Variants in STARD9 observed in about 807,000 individuals in gnomAD.
STARD9 encodes StAR related lipid transfer domain containing 9, also known as stAR-related lipid transfer protein 9.
Under a neutral mutation model 399.8 loss-of-function variants are expected in STARD9, and 346 were observed. The observed-to-expected ratio is 0.87, with a 90% CI of 0.79 to 0.95. The LOEUF (loss-of-function observed/expected upper bound fraction) is 0.95, where lower values mean the gene tolerates loss of function less well. STARD9 is among the 40% of genes least tolerant of loss of function. The pLI is 0.00. For synonymous variants in STARD9, 2,203 were observed against 2,143.5 expected, an observed-to-expected ratio of 1.03 and a Z score of -0.77; for missense variants, 5,832 against 5,667.5, an observed-to-expected ratio of 1.03 and a Z score of -0.93.
rs1440187440 is a variant in STARD9, at chr15:42,663,850, A to G, written c.1109A>G (p.Glu370Gly). ...TVSPAHTSYSETMSTLRYASS... is the reference protein window; with the variant it reads ...TVSPAHTSYSGTMSTLRYASS... ...TCTCCTGCACACACTAGCTACAGTG[A>G]GACCATGAGCACACTGAGATATGCA... is the stretch of plus-strand genomic sequence containing the variant. The change falls in exon 13 of 33, where the codon GAG (glutamate) becomes GGG (glycine). Residue 370 changes from glutamate to glycine, a missense_variant. Physicochemically the swap from Glu to Gly is moderately conservative, Grantham distance 98 (BLOSUM62 -2). Around this residue, in one of 2 missense-constraint regions of STARD9, gnomAD observed 5,828 missense variants for 5,651.1 expected, o/e 1.03. Coordinates refer to ENST00000290607, the MANE Select transcript of STARD9 (RefSeq NM_020759.3). 1.3e-6 allele frequency: 2 copies of G among 1,537,044 alleles called. No homozygotes were observed. Among genetic ancestry groups the G allele is most frequent in the Middle Eastern group, 3.3e-4 (2 of 5,990 alleles).
chr15:42,695,674 G>C (rs948847350), intron 25 of STARD9, 69 bp from the exon 26 acceptor site: 2 of 1,489,340 alleles, frequency 1.3e-6, no homozygotes, highest in Non-Finnish European at 1.8e-6. Context: ...GCTTTGGGTA[G>C]GAAAAGGCGT....
In STARD9 at chr15:42,704,544, T is replaced by C. The variant is rs1212755914; in HGVS notation, c.13284+8664T>C. Among the ~76,000 whole-genome samples, 7 of 152,300 alleles carry C rather than the reference T, an allele frequency of 4.6e-5. No individual in the cohort carries two copies. In the South Asian group the frequency reaches 1.2e-3, roughly 27 times the overall value. On this transcript the variant is annotated intron_variant, in intron 26 of 32. Coordinates refer to ENST00000290607, the MANE Select transcript of STARD9 (RefSeq NM_020759.3). ...AATTCAAAGGAGCCTGACTGTTGAGTTCCCTAAGCCTGTGGTCACTGTAGC... is the reference window on the plus strand; with the variant it reads ...AATTCAAAGGAGCCTGACTGTTGAGCTCCCTAAGCCTGTGGTCACTGTAGC...
At position 42,718,054 on chromosome 15, in the gene STARD9, G is replaced by T. The variant is rs1246304324; in HGVS notation, c.13637G>T (p.Gly4546Val). 1 of 1,537,086 alleles carries T rather than the reference G, an allele frequency of 6.5e-7. No homozygotes were observed. The highest frequency in any genetic ancestry group is 8.7e-7 in the Non-Finnish European group (1 of 1,146,908). ...SPTRHGFLGA[G>V]VVSQPLSRVW... ...ACTCGGCATGGCTTCCTGGGGGCAG[G>T]TGTGGTGTCCCAGCCGCTGTCTCGT... Residue 4546 changes from glycine (G) to valine (V), a missense_variant, in exon 30 of 33, where the codon GGT becomes GTT. By Grantham distance (109) the Gly-to-Val change is moderately radical (BLOSUM62 -3). Coordinates refer to ENST00000290607, the MANE Select transcript of STARD9 (RefSeq NM_020759.3).
At position 42,689,329 on chromosome 15, in the gene STARD9, C is replaced by T. The variant is rs1256108020; in HGVS notation, c.7751C>T (p.Pro2584Leu). The change falls in exon 23 of 33, where the codon CCC becomes CTC. Residue 2584 changes from proline to leucine, a missense_variant. By Grantham distance (98) the Pro-to-Leu change is moderately conservative. Coordinates refer to ENST00000290607, the MANE Select transcript of STARD9 (RefSeq NM_020759.3). ...TCTTACTGTGAAACTTTACTAGAAC[C>T]CGAATGTTCTTCAAGGGTTGCTGGC... ...VLSYCETLLEPECSSRVAGRP... is the reference protein window; with the variant it reads ...VLSYCETLLELECSSRVAGRP... The T allele has an allele frequency of 1.3e-6, 2 of 1,537,126 alleles. No homozygotes were observed. Among genetic ancestry groups the T allele is most frequent in the Admixed American group, 2.0e-5 (1 of 50,976 alleles).
intron 18 of STARD9, 137 bp from the exon 19 acceptor site, chr15:42,675,527 A>C (rs1257673940): frequency 1.6e-6 from 1 of 641,442 alleles, no homozygotes; most frequent in Non-Finnish European, 2.7e-6. Flanking sequence ...ATGCAGAATT[A>C]ATATGTATCT....
chr15:42,593,958 G>A (rs970977839), intron 3 of STARD9, among the ~76,000 whole-genome samples: 1 of 151,786 alleles, frequency 6.6e-6, no homozygotes, highest in Admixed American at 6.6e-5. Context: ...GTGAGCCACC[G>A]CGTGGTTGTG....
intron 7 of STARD9, among the ~76,000 whole-genome samples, chr15:42,640,441 ACT>A (rs2059510985): frequency 6.6e-6 from 1 of 151,756 alleles, no homozygotes; most frequent in Non-Finnish European, 1.5e-5. Flanking sequence ...GCTCTGTAAA[ACT>A]CTGTGGGTAT....
intron 9 of STARD9, among the ~76,000 whole-genome samples, chr15:42,653,653 G>C (rs556220456): frequency 6.6e-6 from 1 of 152,150 alleles, no homozygotes; most frequent in South Asian, 2.1e-4. Context: ...AACATTCCCA[G>C]ATTGGAAAAA....
intron 32 of STARD9, 138 bp from the exon 33 acceptor site, chr15:42,719,335 A>G (rs1286493784): frequency 4.8e-6 from 3 of 621,780 alleles, no homozygotes; most frequent in South Asian, 3.9e-5. Flanking sequence ...GGCAGAGCCC[A>G]GGGGCCTGTA....
At chr15:42,612,291 C>G (rs567212139) in intron 3 of STARD9, among the ~76,000 whole-genome samples, 1 of 152,246 alleles carries the variant, frequency 6.6e-6, no homozygotes, top group African/African-American at 2.4e-5. Flanking sequence ...TATTAGCATT[C>G]TTATTTGGGT....
Position 42,686,950 on chromosome 15 carries a change from G to A in STARD9, c.5372G>A (p.Gly1791Asp). 2 of 1,536,514 alleles carry A rather than the reference G, an allele frequency of 1.3e-6. No homozygotes were observed. The highest frequency in any genetic ancestry group is 1.7e-6 in the Non-Finnish European group (2 of 1,146,766). Residue 1791 changes from glycine (G) to aspartate (D), a missense_variant, in exon 23 of 33, where the codon GGT becomes GAT. Coordinates refer to ENST00000290607, the MANE Select transcript of STARD9 (RefSeq NM_020759.3). ...GFGHNHQALQ[G>D]AYLKNNLPVL... ...GGTCACAACCACCAAGCTCTCCAAGGTGCTTATTTGAAGAATAATTTGCCA... is the reference window on the plus strand; with the variant it reads ...GGTCACAACCACCAAGCTCTCCAAGATGCTTATTTGAAGAATAATTTGCCA...
chr15:42,687,065 CAG>C lies in STARD9; in HGVS notation c.5491_5492del (p.Glu1831IlefsTer3). On this transcript the variant is annotated frameshift_variant, in exon 23 of 33. Transcript: ENST00000290607. LOFTEE classifies it high-confidence loss of function. ...TTGATCTGAATACCAGGGAAGTCAT[CAG>C]AGAATCAGGTAAATGCCCTGGAAAT... ...PVDLNTREVI[R>X]ESGKCPGNIT... 6.5e-7 allele frequency: 1 copy of C among 1,537,156 alleles called. No homozygotes were observed. Among genetic ancestry groups the C allele is most frequent in the South Asian group, 1.2e-5 (1 of 84,062 alleles).
chr15:42,682,894 T>C (rs1242341037), intron 22 of STARD9, among the ~76,000 whole-genome samples: 1 of 152,166 alleles, frequency 6.6e-6, no homozygotes, highest in East Asian at 1.9e-4. Flanking sequence ...TACGTTTCCT[T>C]GTATGTCACA....
At chr15:42,603,773 A>G (rs1454060752) in intron 3 of STARD9, among the ~76,000 whole-genome samples, 1 of 152,164 alleles carries the variant, frequency 6.6e-6, no homozygotes, top group Non-Finnish European at 1.5e-5. Context: ...GGAGGGCCAC[A>G]GGACCAGATG....
In STARD9 at chr15:42,681,537, A is replaced by G; in HGVS notation, c.1990A>G (p.Ile664Val). ...QSYVEDLRHQ[I>V]LAEEIRAAKE... ...CTACGTAGAGGATTTGAGGCATCAAATCCTAGCAGAAGAGATTCGAGCTGC... is the reference window on the plus strand; with the variant it reads ...CTACGTAGAGGATTTGAGGCATCAAGTCCTAGCAGAAGAGATTCGAGCTGC... Residue 664 changes from isoleucine to valine, a missense_variant, in exon 21 of 33, where the codon ATC (isoleucine) becomes GTC (valine). By Grantham distance (29) the Ile-to-Val change is conservative. This residue lies in a region of STARD9 where 5,828 missense variants were observed against 5,651.1 expected (regional missense o/e 1.03). Coordinates refer to ENST00000290607, the MANE Select transcript of STARD9 (RefSeq NM_020759.3). 3 of 1,537,184 alleles carry G rather than the reference A, an allele frequency of 2.0e-6. No homozygotes were observed. Among genetic ancestry groups the G allele is most frequent in the South Asian group, 1.2e-5 (1 of 84,056 alleles).
chr15:42,577,791 C>T, intron 1 of STARD9, among the ~76,000 whole-genome samples: 1 of 152,134 alleles, frequency 6.6e-6, no homozygotes, highest in African/African-American at 2.4e-5. Context: ...GTTATACTGT[C>T]TTCATTGAGG....
chr15:42,594,458 C>T (rs17767264), intron 3 of STARD9, among the ~76,000 whole-genome samples: 15,961 of 152,086 alleles, frequency 0.1, 1,063 homozygotes, highest in Non-Finnish European at 0.15. Flanking sequence ...GAAAATTGTA[C>T]GTAATTAGGA....
chr15:42,636,602 C>T (rs1440361719), intron 4 of STARD9, among the ~76,000 whole-genome samples: 1 of 151,600 alleles, frequency 6.6e-6, no homozygotes, highest in East Asian at 2.0e-4. Flanking sequence ...TAAAAAGAGA[C>T]CCTGTCTCTA....
intron 3 of STARD9, among the ~76,000 whole-genome samples, chr15:42,607,195 T>C (rs1033166740): frequency 7.5e-5 from 2 of 26,616 alleles, no homozygotes; most frequent in African/African-American, 2.3e-4. Context: ...TTTCTGGTGC[T>C]TTTTTTTTTT....
Sources: allele counts gnomAD v4.1 joint callset (sites outside exome capture counted in the v4.1 genomes callset), GRCh38; gene constraint gnomAD v4.1.1; regional missense constraint gnomAD v4.1.1; transcripts MANE v1.5; gene names NCBI Gene and HGNC (gene_info 2026-07-23, HGNC 2026-07-21).